Variants in FABP6 observed in about 807,000 individuals in gnomAD.
The protein encoded by FABP6 is gastrotropin.
In FABP6, 13 loss-of-function variants were observed where a neutral mutation model predicts 14.9. The observed-to-expected ratio is 0.87, with a 90% CI of 0.57 to 1.39. The LOEUF is 1.39. Among genes scored for constraint, FABP6 ranks in the 40% most tolerant of loss-of-function variants. FABP6 has a pLI of 0.00. For synonymous variants in FABP6, 75 were observed against 63.6 expected (o/e 1.18, Z -0.85); for missense variants, 161 against 167.2 (o/e 0.96, Z 0.20).
intron 2 of FABP6, 145 bp downstream of exon 2, chr5:160,232,418 ATGCTCC>A: frequency 1.3e-6 from 1 of 770,414 alleles, no homozygotes; most frequent in East Asian, 2.8e-5. Context: ...TGGCAATTTA[ATGCTCC>A]TGATTTTTAA....
At chr5:160,227,819 CGTGTGTGTGTGTGT>C (rs763474232), upstream of FABP6, among the ~76,000 whole-genome samples, 540 of 145,754 alleles carry the variant, frequency 3.7e-3, 6 homozygotes, top group African/African-American at 0.011. Flanking sequence ...AAATCCATGA[CGTGTGTGTGTGTGT>C]GTGTGTGTGT....
upstream of FABP6, chr5:160,228,523 G>C: frequency 2.2e-6 from 1 of 456,336 alleles, no homozygotes; most frequent in Non-Finnish European, 4.4e-6. Flanking sequence ...AGGAGATAGA[G>C]TCCCTGCATG....
At chr5:160,199,187 T>TCCG (rs1759577184) in intron 2 of FABP6, 2 of 1,613,256 alleles carry the variant, frequency 1.2e-6, no homozygotes, top group Non-Finnish European at 1.7e-6. Flanking sequence ...AATAAGTCAT[T>TCCG]TGAGGCAAAT....
upstream of FABP6, among the ~76,000 whole-genome samples, chr5:160,227,850 GTC>G (rs1491444071): frequency 2.1e-3 from 306 of 147,704 alleles, no homozygotes; most frequent in African/African-American, 7.2e-3. Context: ...GTGTGTGTGT[GTC>G]TGTCTGTCTG....
intron 3 of FABP6, 73 bp from the exon 4 acceptor site, chr5:160,238,533 C>T: frequency 7.4e-7 from 1 of 1,351,770 alleles, no homozygotes; most frequent in Non-Finnish European, 1.1e-6. Flanking sequence ...GGAGACTCAT[C>T]TTCCTTCAGC....
At chr5:160,189,136 C>T (rs1759347571) in intron 1 of FABP6, among the ~76,000 whole-genome samples, 1 of 152,164 alleles carries the variant, frequency 6.6e-6, no homozygotes, top group East Asian at 1.9e-4. Context: ...GCCAAGGCAG[C>T]CATGGATAAG....
intron 2 of FABP6, among the ~76,000 whole-genome samples, chr5:160,212,009 T>A (rs928157677): frequency 2.9e-5 from 4 of 136,358 alleles, no homozygotes; most frequent in Non-Finnish European, 6.3e-5. Context: ...TTTTTTGAGA[T>A]GCAGTCTCCC....
At chr5:160,203,365 AATATCCT>A (rs1437218593) in intron 2 of FABP6, among the ~76,000 whole-genome samples, 1 of 152,150 alleles carries the variant, frequency 6.6e-6, no homozygotes, top group Non-Finnish European at 1.5e-5. Context: ...AGCTGCTGTG[AATATCCT>A]ATTTTTTGGA....
intron 1 of FABP6, 54 bp from the exon 2 acceptor site, chr5:160,232,043 AC>A: frequency 6.3e-7 from 1 of 1,588,282 alleles, no homozygotes. Context: ...CTTTTCCCAA[AC>A]CACAGGGTTA....
intron 3 of FABP6, among the ~76,000 whole-genome samples, chr5:160,235,655 TG>T (rs1261337739): frequency 6.6e-6 from 1 of 152,220 alleles, no homozygotes; most frequent in Non-Finnish European, 1.5e-5. Context: ...AGAGACCCTC[TG>T]GGGTCCCGTG....
At chr5:160,195,863 C>T (rs79599670) in intron 1 of FABP6, 2 of 152,254 alleles carry the variant, frequency 1.3e-5, no homozygotes, top group Non-Finnish European at 2.9e-5. Context: ...GCATGGTTTC[C>T]GTGTGCTGTC....
rs184555794 is a variant in FABP6 at position 160,208,964 on chromosome 5, G to T, written c.52-4772G>T. ...ACTAATTTTTTGTATTTTTGGTAGG[G>T]ACGGGGTTTCACCATGTTGGCCAGG... On this transcript the variant is annotated intron_variant, in intron 2 of 6. Transcript: ENST00000393980. Among the ~76,000 whole-genome samples the T allele has an allele frequency of 1.8e-3, 267 of 151,884 alleles. 3 individuals carry two copies. The highest frequency in any genetic ancestry group is 6.0e-3 in the African/African-American group (248 of 41,438).
intron 1 of FABP6, among the ~76,000 whole-genome samples, chr5:160,192,282 C>T (rs1312517386): frequency 2.0e-5 from 3 of 152,186 alleles, no homozygotes; most frequent in Non-Finnish European, 2.9e-5. Context: ...CTCCTTCAGC[C>T]TCCCAAGTGG....
intron 2 of FABP6, among the ~76,000 whole-genome samples, chr5:160,208,690 G>T (rs188659608): frequency 1.1e-4 from 17 of 152,302 alleles, no homozygotes; most frequent in African/African-American, 3.6e-4. Context: ...AACTTTGGGA[G>T]GCCAAAGCAG....
intron 1 of FABP6, among the ~76,000 whole-genome samples, chr5:160,190,979 G>C (rs937747326): frequency 2.8e-4 from 43 of 151,116 alleles, no homozygotes; most frequent in African/African-American, 1.0e-3. Flanking sequence ...TAGCCAGCGT[G>C]GTGTACTCAG....
intron 1 of FABP6, among the ~76,000 whole-genome samples, chr5:160,191,839 G>T (rs534532070): frequency 1.3e-5 from 2 of 151,650 alleles, no homozygotes; most frequent in Non-Finnish European, 2.9e-5. Context: ...CAGGCATGGT[G>T]GCAGGCGCCT....
In FABP6 at chr5:160,193,898, C is replaced by T. The variant is rs185978352; in HGVS notation, c.-58-5151C>T. ...GCCAGTCACGCGCCATGCGCTCGCA[C>T]TCCTCAGCCCTTGGGCGGTCGATGG... On this transcript the variant is annotated intron_variant, in intron 1 of 6. Coordinates refer to the FABP6 transcript ENST00000393980. 9.5e-3 allele frequency among the ~76,000 whole-genome samples: 1,444 copies of T among 151,630 alleles called. 32 individuals are homozygous for T. The highest frequency in any genetic ancestry group is 0.032 in the African/African-American group (1,350 of 41,572).
At chr5:160,200,475 C>T (rs1180315974) in intron 2 of FABP6, among the ~76,000 whole-genome samples, 1 of 151,264 alleles carries the variant, frequency 6.6e-6, no homozygotes, top group African/African-American at 2.4e-5. Flanking sequence ...TGCAATGGCA[C>T]GATCTTGGCT....
At chr5:160,195,181 A>G (rs1159990805) in intron 1 of FABP6, among the ~76,000 whole-genome samples, 2 of 144,514 alleles carry the variant, frequency 1.4e-5, no homozygotes, top group Non-Finnish European at 3.0e-5. Flanking sequence ...GCTACTCAGG[A>G]GGCTGAGGCC....
Sources: gnomAD v4.1 joint callset for allele counts (sites outside exome capture counted in the v4.1 genomes callset) on GRCh38, gnomAD v4.1.1 for gene constraint, MANE v1.5 for transcripts, NCBI Gene and HGNC (gene_info 2026-07-23, HGNC 2026-07-21) for gene names.